HMGCLL1: variants seen among roughly 807,000 people sequenced by gnomAD.
The protein encoded by HMGCLL1 is 3-hydroxy-3-methylglutaryl-CoA lyase like 1, also known as 3-hydroxymethyl-3-methylglutaryl-CoA lyase, cytoplasmic.
Under a neutral mutation model 39.1 loss-of-function variants are expected in HMGCLL1, and 36 were observed. That is an observed-to-expected ratio of 0.92 (90% CI 0.71 to 1.22). The LOEUF (loss-of-function observed/expected upper bound fraction) is 1.22. Ranked by LOEUF, HMGCLL1 falls within the 50% of genes most tolerant of loss-of-function variation. HMGCLL1 has a pLI of 0.00. For missense variants in HMGCLL1, 451 were observed against 416.5 expected, an observed-to-expected ratio of 1.08 and a Z score of -0.72; for synonymous variants, 149 against 144.0, an observed-to-expected ratio of 1.03 and a Z score of -0.25.
At chr6:55,547,403 T>C (rs1770044203) in intron 1 of HMGCLL1, among the ~76,000 whole-genome samples, 1 of 151,982 alleles carries the variant, frequency 6.6e-6, no homozygotes, top group African/African-American at 2.4e-5. Flanking sequence ...TCAACCCTTC[T>C]AATGGTAATA....
the HMGCLL1 span, among the ~76,000 whole-genome samples, chr6:55,593,847 G>T: frequency 2.0e-5 from 3 of 152,052 alleles, no homozygotes; most frequent in South Asian, 4.1e-4. Context: ...TTAATATCCC[G>T]ATTTTGGAAG....
rs762232730 is a variant in HMGCLL1 at position 55,514,192 on chromosome 6, G to C, written c.398C>G (p.Ala133Gly). 6.3e-7 allele frequency: 1 copy of C among 1,597,956 alleles called. No homozygotes were observed. Among genetic ancestry groups the C allele is most frequent in the East Asian group, 2.2e-5 (1 of 44,512 alleles). Reference protein sequence around the residue: ...PNLQGFHHAVAAGATEISVFG... With the variant: ...PNLQGFHHAVGAGATEISVFG... Reference sequence around the variant, plus strand: ...AACTGATATCTCAGTAGCTCCAGCAGCAACCTGAAAAATATATAATTTAAA... The same window carrying C: ...AACTGATATCTCAGTAGCTCCAGCACCAACCTGAAAAATATATAATTTAAA... Residue 133 changes from alanine to glycine, a missense_variant, in exon 5 of 9, where the codon GCT becomes GGT. By Grantham distance (60) the Ala-to-Gly change is moderately conservative. Transcript: ENST00000274901.
intron 5 of HMGCLL1, among the ~76,000 whole-genome samples, chr6:55,504,133 T>C (rs4540264): frequency 0.68 from 102,366 of 151,534 alleles, 34,605 homozygotes; most frequent in Non-Finnish European, 0.7. Context: ...TTTTACTATA[T>C]ATCCACAAAA....
intron 7 of HMGCLL1, among the ~76,000 whole-genome samples, chr6:55,491,123 C>T (rs1297437710): frequency 6.6e-6 from 1 of 152,094 alleles, no homozygotes; most frequent in Non-Finnish European, 1.5e-5. Context: ...ATTACATCAT[C>T]CATTCTTACA....
chr6:55,663,828 G>T, the HMGCLL1 span, among the ~76,000 whole-genome samples: 1 of 151,850 alleles, frequency 6.6e-6, no homozygotes. Flanking sequence ...AGAGCTCTAA[G>T]AACTTGCTTA....
At chr6:55,631,391 A>G in the HMGCLL1 span, among the ~76,000 whole-genome samples, 2 of 152,092 alleles carry the variant, frequency 1.3e-5, no homozygotes, top group Non-Finnish European at 2.9e-5. Context: ...GCCATCTTCT[A>G]TAAGGAATTA....
intron 1 of HMGCLL1, among the ~76,000 whole-genome samples, chr6:55,571,940 G>T (rs1342893012): frequency 1.3e-5 from 2 of 152,096 alleles, no homozygotes; most frequent in Non-Finnish European, 2.9e-5. Context: ...AAATGGGCAG[G>T]TATAGTCTTA....
intron 1 of HMGCLL1, among the ~76,000 whole-genome samples, chr6:55,572,444 T>A (rs1771549271): frequency 6.6e-6 from 1 of 152,082 alleles, no homozygotes; most frequent in African/African-American, 2.4e-5. Flanking sequence ...ACATTGTTCT[T>A]CAAAGAGCAG....
At chr6:55,475,819 T>C (rs980693574) in intron 7 of HMGCLL1, among the ~76,000 whole-genome samples, 1 of 151,644 alleles carries the variant, frequency 6.6e-6, no homozygotes, top group Non-Finnish European at 1.5e-5. Flanking sequence ...GAATATCCAA[T>C]TGAACTAGCA....
chr6:55,563,728 A>C (rs1771077351), intron 1 of HMGCLL1: 2 of 458,118 alleles, frequency 4.4e-6, no homozygotes, highest in Non-Finnish European at 7.5e-6. Context: ...AAACTAGCTA[A>C]ATAAGAGTTC....
intron 5 of HMGCLL1, among the ~76,000 whole-genome samples, chr6:55,500,684 C>A (rs571882287): frequency 1.3e-5 from 2 of 152,002 alleles, no homozygotes; most frequent in African/African-American, 4.8e-5. Context: ...CTCCGTTATT[C>A]CAATCACTAT....
chr6:55,519,764 T>G (rs1236337473), intron 3 of HMGCLL1, among the ~76,000 whole-genome samples: 1 of 151,972 alleles, frequency 6.6e-6, no homozygotes, highest in Non-Finnish European at 1.5e-5. Context: ...ATAACAAAAG[T>G]TAATAAAGAT....
At chr6:55,567,562 T>C (rs2127474186) in intron 1 of HMGCLL1, among the ~76,000 whole-genome samples, 1 of 152,280 alleles carries the variant, frequency 6.6e-6, no homozygotes, top group South Asian at 2.1e-4. Flanking sequence ...ACTAATTGAA[T>C]TAAGCTGAAT....
intron 1 of HMGCLL1, among the ~76,000 whole-genome samples, chr6:55,560,492 A>G (rs904325982): frequency 6.6e-6 from 1 of 152,108 alleles, no homozygotes; most frequent in East Asian, 1.9e-4. Context: ...TTCAGCTGTG[A>G]TCTGTAGTTC....
At chr6:55,443,375 G>A (rs1488847656) in intron 7 of HMGCLL1, among the ~76,000 whole-genome samples, 1 of 152,118 alleles carries the variant, frequency 6.6e-6, no homozygotes, top group Non-Finnish European at 1.5e-5. Flanking sequence ...TTCACTTCTG[G>A]GATCTGGAAT....
chr6:55,438,591 A>G (rs1763464527), intron 8 of HMGCLL1, among the ~76,000 whole-genome samples: 1 of 152,050 alleles, frequency 6.6e-6, no homozygotes, highest in African/African-American at 2.4e-5. Flanking sequence ...GCCATTTCAC[A>G]TGGTAGTGAA....
chr6:55,583,662 T>C (rs1022341832), upstream of HMGCLL1, among the ~76,000 whole-genome samples: 11 of 152,120 alleles, frequency 7.2e-5, no homozygotes, highest in African/African-American at 2.7e-4. Context: ...ACATACGTGT[T>C]CATGTGTCTT....
chr6:55,438,907 G>A (rs960857173), intron 8 of HMGCLL1, among the ~76,000 whole-genome samples: 8 of 152,144 alleles, frequency 5.3e-5, no homozygotes, highest in South Asian at 2.1e-4. Context: ...TACATAGCAC[G>A]TGACTTTTCC....
chr6:55,463,042 T>C (rs1312957783), intron 7 of HMGCLL1, among the ~76,000 whole-genome samples: 1 of 150,730 alleles, frequency 6.6e-6, no homozygotes, highest in Non-Finnish European at 1.5e-5. Flanking sequence ...TTTTTTTTTT[T>C]TTTTCTGAGA....
Sources: allele counts gnomAD v4.1 joint callset (sites outside exome capture counted in the v4.1 genomes callset), GRCh38; gene constraint gnomAD v4.1.1; transcripts MANE v1.5; gene names NCBI Gene and HGNC (gene_info 2026-07-23, HGNC 2026-07-21).